Variants in STX11 observed in about 807,000 individuals in gnomAD.
The protein encoded by STX11 is syntaxin-11.
STX11 carries 21 observed loss-of-function variants against 19.9 expected under a neutral mutation model. The ratio of observed to expected loss-of-function variants is 1.06; its 90% confidence interval spans 0.75 to 1.52. The LOEUF is 1.52. STX11 is among the 40% of genes most tolerant of loss of function. STX11 has a pLI of 0.00. For synonymous variants in STX11, 193 were observed against 174.4 expected (o/e 1.11, Z -0.84); for missense variants, 438 against 405.9 (o/e 1.08, Z -0.68).
At chr6:144,140,214 ATATATATATATATATATATATATATATAT>A in the STX11 span, among the ~76,000 whole-genome samples, 1 of 85,130 alleles carries the variant, frequency 1.2e-5, no homozygotes, top group African/African-American at 3.4e-5. Flanking sequence ...ATTCACATAT[ATATATATATATATATATATATATATATAT>A]ATATATATAT....
At chr6:144,145,725 C>T (rs1451124946), upstream of STX11, among the ~76,000 whole-genome samples, 1 of 151,974 alleles carries the variant, frequency 6.6e-6, no homozygotes, top group Non-Finnish European at 1.5e-5. Context: ...AGAAGTAGAA[C>T]TGTGGTTATC....
At chr6:144,149,099 G>A (rs909466565), upstream of STX11, among the ~76,000 whole-genome samples, 10 of 152,192 alleles carry the variant, frequency 6.6e-5, no homozygotes, top group Non-Finnish European at 5.9e-5. This position sits in a 1 kb window ranked among gnomAD's most constrained non-coding sequence, Gnocchi z 5.1. Flanking sequence ...GATTGTTGAC[G>A]TTGGCTTAGA....
intron 1 of STX11, among the ~76,000 whole-genome samples, chr6:144,166,543 T>TC (rs1485513992): frequency 2.7e-5 from 4 of 149,502 alleles, no homozygotes; most frequent in African/African-American, 9.8e-5. Flanking sequence ...TTTTTTTTTT[T>TC]TGAGAAAGAG....
At position 144,152,854 on chromosome 6, in the gene STX11, G is replaced by A. The variant is rs1440388198; in HGVS notation, c.-6+2151G>A. 2.0e-5 allele frequency among the ~76,000 whole-genome samples: 3 copies of A among 152,194 alleles called. No homozygotes were observed. The highest frequency in any genetic ancestry group is 2.1e-4 in the South Asian group (1 of 4,828). ...CGGCCCTGTTGGCCAGGCTGGTCTC[G>A]AACTGCTGACCTCAGGTGATCTGCT... On this transcript the variant is annotated intron_variant, in intron 1 of 1. Coordinates refer to ENST00000367568, the MANE Select transcript of STX11 (RefSeq NM_003764.4). This position sits in a 1 kb window ranked among gnomAD's most constrained non-coding sequence, Gnocchi z 4.9.
Position 144,151,123 on chromosome 6 carries a change from A to G in STX11, c.-6+420A>G. 1.3e-5 allele frequency: 6 copies of G among 479,998 alleles called. No individual in the cohort carries two copies. Among genetic ancestry groups the G allele is most frequent in the Non-Finnish European group, 1.6e-5 (6 of 368,190 alleles). The allele number at this position is 479,998 out of a possible 1,614,324, so 29.7% of individuals were successfully genotyped here. ...GGGTGACTGTGTCAAAAACACCAGAATGGGTACTTCTTGACTTGAACTTGG... is the reference window on the plus strand; with the variant it reads ...GGGTGACTGTGTCAAAAACACCAGAGTGGGTACTTCTTGACTTGAACTTGG... On this transcript the variant is annotated intron_variant, in intron 1 of 1. Transcript: ENST00000367568. The surrounding 1 kb of genome is among the most constrained non-coding windows in gnomAD (Gnocchi z 4.6).
chr6:144,143,512 G>A, the STX11 span, among the ~76,000 whole-genome samples: 121 of 152,252 alleles, frequency 7.9e-4, 2 homozygotes, highest in East Asian at 0.022. Flanking sequence ...AACCAGGAAG[G>A]GAGAGAGAGA....
upstream of STX11, among the ~76,000 whole-genome samples, chr6:144,150,018 G>C (rs540073092): frequency 4.6e-5 from 7 of 152,182 alleles, no homozygotes; most frequent in African/African-American, 1.7e-4. Context: ...AGAGAGGTTG[G>C]TCGGCAGGGT....
At chr6:144,186,565 T>G in intron 1 of STX11, 58 bp from the exon 2 acceptor site, 1 of 1,611,512 alleles carries the variant, frequency 6.2e-7, no homozygotes, top group South Asian at 1.1e-5. Context: ...TTCAATCCCT[T>G]GAAGGCAAAT....
At position 144,150,648 on chromosome 6, in the gene STX11, A is replaced by T; in HGVS notation, c.-61A>T. 1 of 984,258 alleles carries T rather than the reference A, an allele frequency of 1.0e-6. No individual in the cohort carries two copies. The highest frequency in any genetic ancestry group is 1.1e-4 in the East Asian group (1 of 8,728). The allele number at this position is 984,258 out of a possible 1,614,324, so 61.0% of individuals were successfully genotyped here. A position where few individuals can be genotyped will look rare whatever the true frequency, so the allele number is the denominator to read the frequency against. ...TTCTCCATCGCTGCGCCCACAGGGG[A>T]CGCGCGCCCTGCCGGGAGAGGGGCT... is the stretch of plus-strand genomic sequence containing the variant. On this transcript the variant is annotated 5_prime_UTR_variant, in exon 1 of 2. Coordinates refer to ENST00000367568, the MANE Select transcript of STX11 (RefSeq NM_003764.4).
At chr6:144,145,058 A>C in the STX11 span, among the ~76,000 whole-genome samples, 4 of 152,206 alleles carry the variant, frequency 2.6e-5, no homozygotes, top group Non-Finnish European at 4.4e-5. Flanking sequence ...TATACCCCCC[A>C]AAAATGAAAG....
At chr6:144,141,471 A>C in the STX11 span, among the ~76,000 whole-genome samples, 1 of 152,228 alleles carries the variant, frequency 6.6e-6, no homozygotes, top group African/African-American at 2.4e-5. Context: ...TTGGCGTATC[A>C]AGCTTGGAAA....
At position 144,162,078 on chromosome 6, in the gene STX11, T is replaced by G. The variant is rs553034134; in HGVS notation, c.-6+11375T>G. On this transcript the variant is annotated intron_variant, in intron 1 of 1. Coordinates refer to ENST00000367568, the MANE Select transcript of STX11 (RefSeq NM_003764.4). The surrounding 1 kb of genome is among the most constrained non-coding windows in gnomAD (Gnocchi z 4.6). ...GCTACCTCTACCGCACTCTAGATTC[T>G]CTTTTACCCTGTTCAGAGTCTAATC... is the stretch of plus-strand genomic sequence containing the variant. Among the ~76,000 whole-genome samples, 1 of 152,226 alleles carries G rather than the reference T, an allele frequency of 6.6e-6. No homozygotes were observed. Among genetic ancestry groups the G allele is most frequent in the African/African-American group, 2.4e-5 (1 of 41,444 alleles).
Position 144,155,350 on chromosome 6 carries a change from G to A in STX11, c.-6+4647G>A, listed in dbSNP as rs992319497. On this transcript the variant is annotated intron_variant, in intron 1 of 1. Transcript: ENST00000367568. The surrounding 1 kb of genome is among the most constrained non-coding windows in gnomAD (Gnocchi z 4.5). ...TGAGCCTGGGGGCAGCGGCAGGGGC[G>A]GGGGAGAATGTTCAAATGTCTAAAG... is the stretch of plus-strand genomic sequence containing the variant. Among the ~76,000 whole-genome samples, 1 of 152,138 alleles carries A rather than the reference G, an allele frequency of 6.6e-6. No homozygotes were observed. The highest frequency in any genetic ancestry group is 6.6e-5 in the Admixed American group (1 of 15,264).
rs569172536 is a variant in STX11, at chr6:144,169,191, A to C, written c.-5-17432A>C. Among the ~76,000 whole-genome samples, 1 of 152,332 alleles carries C rather than the reference A, an allele frequency of 6.6e-6. No homozygotes were observed. Among genetic ancestry groups the C allele is most frequent in the African/African-American group, 2.4e-5 (1 of 41,580 alleles). On this transcript the variant is annotated intron_variant, in intron 1 of 1. Transcript: ENST00000367568. This position sits in a 1 kb window ranked among gnomAD's most constrained non-coding sequence, Gnocchi z 5.2. ...CTGCTGCATCAGCACATCCCTGCAC[A>C]GTTGTTCTGTCCTTGGCATCCTTAA...
In STX11 at chr6:144,187,077, G is replaced by A. The variant is rs767456000; in HGVS notation, c.450G>A (p.Glu150=). The change falls in exon 2 of 2, where the codon GAG becomes GAA. Residue 150 remains glutamate (E), a synonymous_variant. Transcript: ENST00000367568. This position sits in a 1 kb window ranked among gnomAD's most constrained non-coding sequence, Gnocchi z 5.6. ...CCATGCACGACTACAACCAGGCCGAGATGAAGCAGCGCGACAACTGCAAGA... is the reference window on the plus strand; with the variant it reads ...CCATGCACGACTACAACCAGGCCGAAATGAAGCAGCGCGACAACTGCAAGA... The part of the protein sequence containing the change: ...QRAMHDYNQA[E]MKQRDNCKIR... The A allele has an allele frequency of 1.2e-6, 2 of 1,613,644 alleles. No individual in the cohort carries two copies. The highest frequency in any genetic ancestry group is 3.3e-5 in the Admixed American group (2 of 60,038).
chr6:144,140,248 ATATATATT>A, the STX11 span, among the ~76,000 whole-genome samples: 368 of 44,828 alleles, frequency 8.2e-3, 1 homozygote, highest in Non-Finnish European at 0.01. Flanking sequence ...ATATATATAT[ATATATATT>A]TATTTATTTA....
chr6:144,179,201 T>G (rs1210743006), intron 1 of STX11, among the ~76,000 whole-genome samples: 4 of 152,168 alleles, frequency 2.6e-5, no homozygotes, highest in African/African-American at 9.7e-5. Context: ...CTCATGACAC[T>G]TATTCACTAC....
At chr6:144,147,503 T>C (rs1800898354), upstream of STX11, among the ~76,000 whole-genome samples, 1 of 152,184 alleles carries the variant, frequency 6.6e-6, no homozygotes, top group Non-Finnish European at 1.5e-5. This position sits in a 1 kb window ranked among gnomAD's most constrained non-coding sequence, Gnocchi z 4.2. Flanking sequence ...CTTCCTAACC[T>C]CTGAACTTTG....
chr6:144,158,049 T>C (rs771175411), intron 1 of STX11, among the ~76,000 whole-genome samples: 4 of 151,684 alleles, frequency 2.6e-5, no homozygotes, highest in Non-Finnish European at 5.9e-5. Context: ...TCCACTGGAA[T>C]AGAATCCAGG....
Sources: gnomAD v4.1 joint callset for allele counts (sites outside exome capture counted in the v4.1 genomes callset) on GRCh38, gnomAD v4.1.1 for gene constraint, Gnocchi (gnomAD v3.1) non-coding constraint, MANE v1.5 for transcripts, NCBI Gene and HGNC (gene_info 2026-07-23, HGNC 2026-07-21) for gene names.